LINGO2: variants seen among roughly 807,000 people sequenced by gnomAD.
The protein encoded by LINGO2 is leucine-rich repeat and immunoglobulin-like domain-containing nogo receptor-interacting protein 2.
Under a neutral mutation model 30.6 loss-of-function variants are expected in LINGO2, and 14 were observed. The ratio of observed to expected loss-of-function variants is 0.46; its 90% confidence interval spans 0.30 to 0.72. The LOEUF (loss-of-function observed/expected upper bound fraction) is 0.72. LINGO2 is among the 30% of genes least tolerant of loss of function. LINGO2 has a pLI of 0.07. For synonymous variants in LINGO2, 317 were observed against 288.5 expected (o/e 1.10, Z -1.00); for missense variants, 729 against 751.7 (o/e 0.97, Z 0.35).
chr9:29,170,449 G>T, the LINGO2 span, among the ~76,000 whole-genome samples: 1 of 152,062 alleles, frequency 6.6e-6, no homozygotes, highest in East Asian at 1.9e-4. Context: ...ACTATAAAAG[G>T]TGGGAAGGGA....
chr9:29,015,231 T>G, the LINGO2 span, among the ~76,000 whole-genome samples: 1 of 152,290 alleles, frequency 6.6e-6, no homozygotes, highest in South Asian at 2.1e-4. Flanking sequence ...ATACCCTAAA[T>G]GACTTGACTT....
At chr9:28,498,606 G>A (rs867814976) in intron 1 of LINGO2, among the ~76,000 whole-genome samples, 13 of 152,230 alleles carry the variant, frequency 8.5e-5, no homozygotes, top group Middle Eastern at 6.8e-3. Flanking sequence ...TGCGCTTCCC[G>A]GGTAAGGCTA....
chr9:28,459,039 T>C (rs1824967413), intron 2 of LINGO2, among the ~76,000 whole-genome samples: 1 of 151,790 alleles, frequency 6.6e-6, no homozygotes, highest in South Asian at 2.1e-4. Context: ...ATCCATAAAA[T>C]AAAATCCTGG....
intron 1 of LINGO2, among the ~76,000 whole-genome samples, chr9:28,502,736 A>G (rs748830701): frequency 6.6e-6 from 1 of 152,136 alleles, no homozygotes; most frequent in African/African-American, 2.4e-5. Flanking sequence ...GCTCTAGAAT[A>G]TTTCTTCATT....
intron 1 of LINGO2, among the ~76,000 whole-genome samples, chr9:28,512,606 T>A (rs1476316305): frequency 2.9e-4 from 1 of 3,490 alleles, no homozygotes; most frequent in Admixed American, 7.4e-3. Flanking sequence ...TATATATATA[T>A]ATATATATAT....
chr9:28,161,474 A>G (rs1828284438), intron 4 of LINGO2, among the ~76,000 whole-genome samples: 1 of 152,198 alleles, frequency 6.6e-6, no homozygotes, highest in South Asian at 2.1e-4. Context: ...TATAATTTAA[A>G]CACAACCTTA....
At chr9:28,193,774 C>T (rs531090465) in intron 4 of LINGO2, among the ~76,000 whole-genome samples, 20 of 152,156 alleles carry the variant, frequency 1.3e-4, no homozygotes, top group African/African-American at 3.6e-4. Context: ...CAGAGTCCCT[C>T]GTGTGAGTCC....
chr9:28,879,846 A>T, the LINGO2 span, among the ~76,000 whole-genome samples: 3 of 121,450 alleles, frequency 2.5e-5, no homozygotes, highest in East Asian at 8.0e-4. Context: ...GACTAGGAAA[A>T]CAAAAAGAAA....
chr9:28,270,229 T>C (rs925997955), intron 4 of LINGO2, among the ~76,000 whole-genome samples: 14 of 152,066 alleles, frequency 9.2e-5, no homozygotes, highest in African/African-American at 3.4e-4. Context: ...AAAGAGCCCT[T>C]TCCCCTTCAG....
chr9:28,797,455 C>T, the LINGO2 span, among the ~76,000 whole-genome samples: 1 of 148,998 alleles, frequency 6.7e-6, no homozygotes, highest in Non-Finnish European at 1.5e-5. Flanking sequence ...ACACTGATGA[C>T]ACTCGTGTCC....
chr9:27,967,168 TTTCTACCAGC>T (rs1587563142), intron 5 of LINGO2, among the ~76,000 whole-genome samples: 1 of 152,160 alleles, frequency 6.6e-6, no homozygotes, highest in East Asian at 1.9e-4. Flanking sequence ...AACAAATAAA[TTTCTACCAGC>T]TTCTGTAACA....
chr9:28,724,998 G>C, the LINGO2 span, among the ~76,000 whole-genome samples: 1 of 151,488 alleles, frequency 6.6e-6, no homozygotes, highest in African/African-American at 2.4e-5. Flanking sequence ...ATCATTTGAA[G>C]ATAAACAGAA....
At chr9:28,377,437 T>C (rs1018250443) in intron 2 of LINGO2, among the ~76,000 whole-genome samples, 1 of 152,212 alleles carries the variant, frequency 6.6e-6, no homozygotes, top group African/African-American at 2.4e-5. Context: ...ATACAAAAGA[T>C]GTCTTAACCT....
chr9:28,654,691 T>C (rs953447500), intron 1 of LINGO2, among the ~76,000 whole-genome samples: 2 of 152,120 alleles, frequency 1.3e-5, no homozygotes, highest in Non-Finnish European at 2.9e-5. Context: ...GGCAATCCTC[T>C]TCACGGCAGC....
the LINGO2 span, among the ~76,000 whole-genome samples, chr9:28,980,453 A>T: frequency 9.0e-3 from 1,370 of 152,198 alleles, 10 homozygotes; most frequent in Non-Finnish European, 0.012. Context: ...AGACATACAG[A>T]ATCCACAACC....
At chr9:28,044,681 T>C (rs1413265873) in intron 4 of LINGO2, among the ~76,000 whole-genome samples, 2 of 152,148 alleles carry the variant, frequency 1.3e-5, no homozygotes, top group African/African-American at 4.8e-5. Flanking sequence ...TCAATGCTGG[T>C]GCAGGGGAGA....
intron 4 of LINGO2, among the ~76,000 whole-genome samples, chr9:28,098,716 G>C (rs1563973666): frequency 6.6e-6 from 1 of 152,136 alleles, no homozygotes; most frequent in Non-Finnish European, 1.5e-5. Context: ...CCAGTTGGTA[G>C]GTGTTAAGCA....
In LINGO2 at chr9:28,562,141, A is replaced by G. The variant is rs948388735; in HGVS notation, c.-364-86116T>C. Among the ~76,000 whole-genome samples, 6 of 151,960 alleles carry G rather than the reference A, an allele frequency of 3.9e-5. No individual in the cohort carries two copies. In the East Asian group the frequency reaches 9.7e-4, roughly 25 times the overall value. Reference sequence around the variant, plus strand: ...ATAATATGGTGTGTTACAGTTACTAAAAATGCTCTGCTAATGAACCAAGCT... The same window carrying G: ...ATAATATGGTGTGTTACAGTTACTAGAAATGCTCTGCTAATGAACCAAGCT... On this transcript the variant is annotated intron_variant, in intron 1 of 5. Coordinates refer to ENST00000379992, the Ensembl canonical transcript of LINGO2.
At chr9:27,971,256 TTC>T (rs1311666475) in intron 5 of LINGO2, among the ~76,000 whole-genome samples, 2 of 152,066 alleles carry the variant, frequency 1.3e-5, no homozygotes, top group Non-Finnish European at 2.9e-5. Flanking sequence ...CTTCTATTTC[TTC>T]TGTTTTTTTC....
Sources: gnomAD v4.1 joint callset for allele counts (sites outside exome capture counted in the v4.1 genomes callset) on GRCh38, gnomAD v4.1.1 for gene constraint, MANE v1.5 for transcripts, NCBI Gene and HGNC (gene_info 2026-07-23, HGNC 2026-07-21) for gene names.